The following PTN variants were observed in gnomAD, a reference collection of about 807,000 sequenced individuals.
PTN encodes the protein heparin affin regulatory protein.
Under a neutral mutation model 24.1 loss-of-function variants are expected in PTN, and 18 were observed. The ratio of observed to expected loss-of-function variants is 0.75; its 90% CI spans 0.52 to 1.11. The LOEUF (loss-of-function observed/expected upper bound fraction) is 1.11. Ranked by LOEUF, PTN falls within the 50% of genes least tolerant of loss-of-function variation. PTN has a pLI of 0.00. For missense variants in PTN, 163 were observed against 198.8 expected (o/e 0.82, Z 1.08); for synonymous variants, 78 against 68.6 (o/e 1.14, Z -0.67).
intron 1 of PTN, among the ~76,000 whole-genome samples, chr7:137,291,844 T>A (rs1809643227): frequency 6.6e-6 from 1 of 152,198 alleles, no homozygotes; most frequent in African/African-American, 2.4e-5. Context: ...AACATAAATT[T>A]CTAGCCAGAG....
intron 1 of PTN, among the ~76,000 whole-genome samples, chr7:137,320,612 G>A (rs1168647811): frequency 2.0e-5 from 3 of 152,168 alleles, no homozygotes; most frequent in African/African-American, 4.8e-5. Context: ...ATAGGAGAAA[G>A]AGGATTAAAG....
At position 137,343,637 on chromosome 7, in the gene PTN, T is replaced by A. The variant is rs1337897290; in HGVS notation, c.-200A>T. The A allele has an allele frequency of 1.9e-6, 1 of 518,832 alleles. No homozygotes were observed. The highest frequency in any genetic ancestry group is 1.9e-5 in the Admixed American group (1 of 51,586). 32.1% of individuals were successfully genotyped at this position (518,832 alleles called of 1,614,324 possible). A position where few individuals can be genotyped will look rare whatever the true frequency, so the allele number is the denominator to read the frequency against. On this transcript the variant is annotated 5_prime_UTR_variant, in exon 1 of 5. Coordinates refer to ENST00000348225, the MANE Select transcript of PTN (RefSeq NM_002825.7). ...TGGATTTTCCTCTGCTCTGGGGCTC[T>A]CTTGGCGGGATTTTTGGACTGGAAG...
chr7:137,230,000 T>A (rs1020997246), intron 4 of PTN, among the ~76,000 whole-genome samples: 21 of 151,828 alleles, frequency 1.4e-4, no homozygotes, highest in African/African-American at 4.8e-4. Flanking sequence ...AGTTTCCTCA[T>A]GTCCCTTCCT....
rs569755307 is a variant in PTN, at chr7:137,268,595, G to A, written c.-1-13621C>T. 5.3e-5 allele frequency among the ~76,000 whole-genome samples: 8 copies of A among 152,258 alleles called. No individual in the cohort carries two copies. The South Asian group carries it at 1.7e-3, about 32-fold the overall frequency. On this transcript the variant is annotated intron_variant, in intron 1 of 4. Transcript: ENST00000348225. ...TGGTCAGAGTGAAACAGAACAGAAC[G>A]GGAGGTTTCACAGTGTCCTTCCATA...
At chr7:137,249,162 TTA>T (rs1215483726) in intron 4 of PTN, among the ~76,000 whole-genome samples, 1 of 152,088 alleles carries the variant, frequency 6.6e-6, no homozygotes, top group Non-Finnish European at 1.5e-5. Context: ...TTTCAACATT[TTA>T]TGTGTTCACC....
intron 1 of PTN, among the ~76,000 whole-genome samples, chr7:137,305,379 T>C (rs1809871060): frequency 6.6e-6 from 1 of 152,052 alleles, no homozygotes; most frequent in Admixed American, 6.6e-5. Flanking sequence ...ACCATATGCT[T>C]CAGATCAAAT....
intron 1 of PTN, among the ~76,000 whole-genome samples, chr7:137,282,470 T>C (rs146377684): frequency 6.6e-6 from 1 of 152,280 alleles, no homozygotes; most frequent in African/African-American, 2.4e-5. Flanking sequence ...GTACAAGCAG[T>C]AGCAGAGAAG....
chr7:137,292,335 T>G (rs972017721), intron 1 of PTN, among the ~76,000 whole-genome samples: 1 of 152,148 alleles, frequency 6.6e-6, no homozygotes, highest in Non-Finnish European at 1.5e-5. Flanking sequence ...CACCTTGAAT[T>G]GTAGTAATTC....
In PTN at chr7:137,343,505, C is replaced by T; in HGVS notation, c.-68G>A. 1 of 518,946 alleles carries T rather than the reference C, an allele frequency of 1.9e-6. No individual in the cohort carries two copies. The highest frequency in any genetic ancestry group is 3.8e-6 in the Non-Finnish European group (1 of 259,864). 32.1% of individuals were successfully genotyped at this position (518,946 alleles called of 1,614,324 possible). A position where few individuals can be genotyped will look rare whatever the true frequency, so the allele number is the denominator to read the frequency against. ...GTTGCAAGGGGCGAGGTTGCTACCG[C>T]TGAGTCCAGGTACCCGGCTCGCTGC... On this transcript the variant is annotated 5_prime_UTR_variant, in exon 1 of 5. Coordinates refer to ENST00000348225, the MANE Select transcript of PTN (RefSeq NM_002825.7).
intron 1 of PTN, among the ~76,000 whole-genome samples, chr7:137,335,553 C>T (rs1404297054): frequency 6.6e-6 from 1 of 152,138 alleles, no homozygotes; most frequent in Admixed American, 6.5e-5. Context: ...TCTGATTTGT[C>T]TCCTGTTCCC....
At chr7:137,267,455 T>C (rs911714158) in intron 1 of PTN, among the ~76,000 whole-genome samples, 3 of 152,180 alleles carry the variant, frequency 2.0e-5, no homozygotes, top group Non-Finnish European at 2.9e-5. Context: ...CTGGTCTGCG[T>C]GCCTTGGCTT....
At chr7:137,327,511 A>G (rs1210509854) in intron 1 of PTN, among the ~76,000 whole-genome samples, 1 of 151,946 alleles carries the variant, frequency 6.6e-6, no homozygotes, top group African/African-American at 2.4e-5. Flanking sequence ...GCCATACACA[A>G]TGCCACCCTG....
intron 4 of PTN, among the ~76,000 whole-genome samples, chr7:137,246,724 C>T (rs1808729787): frequency 6.6e-6 from 1 of 152,110 alleles, no homozygotes. Flanking sequence ...GAAGCTCAAC[C>T]CTTTAAAGCT....
chr7:137,236,891 A>G (rs937416766), intron 4 of PTN, among the ~76,000 whole-genome samples: 1 of 152,178 alleles, frequency 6.6e-6, no homozygotes, highest in African/African-American at 2.4e-5. Flanking sequence ...CAGTACTACT[A>G]GGAAATCAAA....
At chr7:137,259,501 T>C (rs937740169) in intron 1 of PTN, among the ~76,000 whole-genome samples, 1 of 152,018 alleles carries the variant, frequency 6.6e-6, no homozygotes, top group Non-Finnish European at 1.5e-5. Context: ...AGACTTGTCA[T>C]GAAGATTACA....
chr7:137,303,431 T>A (rs924292627), intron 1 of PTN, among the ~76,000 whole-genome samples: 5 of 151,956 alleles, frequency 3.3e-5, no homozygotes, highest in African/African-American at 1.2e-4. Flanking sequence ...ATGAGACTTA[T>A]CTTAGTATGA....
intron 1 of PTN, among the ~76,000 whole-genome samples, chr7:137,284,022 A>G (rs1809515630): frequency 8.4e-6 from 1 of 118,372 alleles, no homozygotes; most frequent in Non-Finnish European, 1.6e-5. Flanking sequence ...GCTGGAGTGC[A>G]GTGGCGAGAT....
At chr7:137,247,624 A>G (rs1386838734) in intron 4 of PTN, among the ~76,000 whole-genome samples, 1 of 152,184 alleles carries the variant, frequency 6.6e-6, no homozygotes, top group East Asian at 1.9e-4. Flanking sequence ...GTCAATAATA[A>G]GTGTATATTT....
intron 4 of PTN, among the ~76,000 whole-genome samples, chr7:137,235,136 G>A (rs1020959424): frequency 6.6e-6 from 1 of 152,130 alleles, no homozygotes; most frequent in African/African-American, 2.4e-5. Flanking sequence ...ACTTATCACA[G>A]AAAAAGGATC....
Sources: gnomAD v4.1 joint callset for allele counts (sites outside exome capture counted in the v4.1 genomes callset) on GRCh38, gnomAD v4.1.1 for gene constraint, MANE v1.5 for transcripts, NCBI Gene and HGNC (gene_info 2026-07-23, HGNC 2026-07-21) for gene names.